XRN2: variants seen among roughly 807,000 people sequenced by gnomAD.
The protein encoded by XRN2 is DHM1-like protein.
Under a neutral mutation model 138.5 loss-of-function variants are expected in XRN2, and 44 were observed. That is an observed-to-expected ratio of 0.32 (90% CI 0.25 to 0.41). The LOEUF (loss-of-function observed/expected upper bound fraction) is 0.41. Ranked by LOEUF, XRN2 falls within the 10% of genes least tolerant of loss-of-function variation. The probability of loss-of-function intolerance (pLI) is 1.00; values close to 1 mark genes in which losing one functional copy is unlikely to be tolerated. For synonymous variants in XRN2, 354 were observed against 369.4 expected (o/e 0.96, Z 0.48); for missense variants, 937 against 1,169.3 (o/e 0.80, Z 2.90).
intron 28 of XRN2, among the ~76,000 whole-genome samples, chr20:21,384,010 A>G (rs981482361): frequency 6.6e-6 from 1 of 152,206 alleles, no homozygotes; most frequent in African/African-American, 2.4e-5. Flanking sequence ...CCACGACGCT[A>G]CTGTTTGTTG....
At chr20:21,360,101 A>T (rs1167067905) in intron 24 of XRN2, among the ~76,000 whole-genome samples, 1 of 151,966 alleles carries the variant, frequency 6.6e-6, no homozygotes, top group Non-Finnish European at 1.5e-5. Context: ...TTTTTTTCCC[A>T]TTTCTAATTC....
chr20:21,382,012 C>A lies in XRN2; in HGVS notation c.2603C>A (p.Ser868Tyr). Residue 868 changes from serine to tyrosine, a missense_variant, in exon 28 of 30, where the codon TCC becomes TAC. Physicochemically the swap from Ser to Tyr is moderately radical, Grantham distance 144 (BLOSUM62 -2). This residue lies in a region of XRN2 where 372 missense variants were observed against 414.4 expected (regional missense o/e 0.90). Transcript: ENST00000377191. Reference sequence around the variant, plus strand: ...TTTTCAGATATGAGGCCCCAGGATTCCTGGCGAGGTCCTCCTCCCCTTTTC... The same window carrying A: ...TTTTCAGATATGAGGCCCCAGGATTACTGGCGAGGTCCTCCTCCCCTTTTC... ...KLMSNMRPQDSWRGPPPLFQQ... is the reference protein window; with the variant it reads ...KLMSNMRPQDYWRGPPPLFQQ... 1 of 1,608,762 alleles carries A rather than the reference C, an allele frequency of 6.2e-7. No individual in the cohort carries two copies. The highest frequency in any genetic ancestry group is 8.5e-7 in the Non-Finnish European group (1 of 1,176,844).
intron 27 of XRN2, among the ~76,000 whole-genome samples, chr20:21,379,624 G>A (rs142960160): frequency 6.6e-6 from 1 of 152,224 alleles, no homozygotes; most frequent in East Asian, 1.9e-4. Flanking sequence ...AAATAGAGAG[G>A]CACCTGGCAC....
intron 26 of XRN2, among the ~76,000 whole-genome samples, chr20:21,367,195 G>A (rs2038714405): frequency 6.6e-6 from 1 of 151,954 alleles, no homozygotes; most frequent in Admixed American, 6.6e-5. Flanking sequence ...TTTATCCTTT[G>A]CCCTTTTTAG....
chr20:21,360,606 A>G (rs117902653), intron 24 of XRN2, among the ~76,000 whole-genome samples: 230 of 152,174 alleles, frequency 1.5e-3, no homozygotes, highest in Admixed American at 3.1e-3. Context: ...GACTTTTTGT[A>G]TTCACTTTTG....
At chr20:21,375,925 G>A (rs1264930894) in intron 27 of XRN2, among the ~76,000 whole-genome samples, 1 of 151,540 alleles carries the variant, frequency 6.6e-6, no homozygotes, top group Non-Finnish European at 1.5e-5. Context: ...TGCAAGCTCC[G>A]CCTCCCGGGT....
chr20:21,373,830 ATCTT>A (rs1172964957), intron 27 of XRN2, among the ~76,000 whole-genome samples: 1 of 152,058 alleles, frequency 6.6e-6, no homozygotes, highest in East Asian at 1.9e-4. Context: ...TGGGTTGTCT[ATCTT>A]TTTGTTTTGT....
In XRN2 at chr20:21,332,372, G is replaced by A. The variant is rs1568575615; in HGVS notation, c.790G>A (p.Gly264Ser). 1 of 1,613,558 alleles carries A rather than the reference G, an allele frequency of 6.2e-7. No homozygotes were observed. Among genetic ancestry groups the A allele is most frequent in the East Asian group, 2.2e-5 (1 of 44,856 alleles). Residue 264 changes from glycine (G) to serine (S), a missense_variant, in exon 9 of 30, where the codon GGT (glycine) becomes AGT (serine). Gly to Ser is a moderately conservative substitution (Grantham distance 56). Coordinates refer to ENST00000377191, the MANE Select transcript of XRN2 (RefSeq NM_012255.5). Reference protein sequence around the residue: ...EFKPNKPKPCGLCNQFGHEVK... With the variant: ...EFKPNKPKPCSLCNQFGHEVK... ...CAAACCAAACAAGCCCAAACCATGT[G>A]GTCTTTGTAATCAGTTTGGACATGA...
intron 20 of XRN2, among the ~76,000 whole-genome samples, chr20:21,353,141 ATAT>A (rs2038530211): frequency 6.9e-6 from 1 of 145,444 alleles, no homozygotes; most frequent in Admixed American, 6.9e-5. Flanking sequence ...TTAATATATA[ATAT>A]TTAATATTTA....
At chr20:21,371,989 G>T (rs2038768568) in intron 27 of XRN2, among the ~76,000 whole-genome samples, 1 of 152,112 alleles carries the variant, frequency 6.6e-6, no homozygotes, top group African/African-American at 2.4e-5. Flanking sequence ...CATTGTTGTG[G>T]CTGTTATTAG....
intron 27 of XRN2, among the ~76,000 whole-genome samples, chr20:21,378,206 C>T (rs1439819742): frequency 1.3e-5 from 2 of 152,084 alleles, no homozygotes; most frequent in Non-Finnish European, 2.9e-5. Flanking sequence ...CTTTCCTATC[C>T]TAATTGGATA....
chr20:21,345,865 A>G lies in XRN2; in HGVS notation c.1530-550A>G, dbSNP rs1335977869. ...ACAACTCTTAGCTGAAAGAGGGATAAGGCCCAAGCAAGGATAGAGAGAGTA... is the reference window on the plus strand; with the variant it reads ...ACAACTCTTAGCTGAAAGAGGGATAGGGCCCAAGCAAGGATAGAGAGAGTA... On this transcript the variant is annotated intron_variant, in intron 16 of 29. Transcript: ENST00000377191. Among the ~76,000 whole-genome samples the G allele has an allele frequency of 7.2e-5, 11 of 152,222 alleles. 1 individual carries two copies. Among genetic ancestry groups the G allele is most frequent in the Admixed American group, 7.2e-4 (11 of 15,280 alleles).
chr20:21,334,613 G>C (rs948783658), intron 13 of XRN2, among the ~76,000 whole-genome samples: 5 of 152,128 alleles, frequency 3.3e-5, no homozygotes, highest in African/African-American at 1.2e-4. Context: ...GGAGAATGTA[G>C]GATCTGTGGA....
intron 24 of XRN2, among the ~76,000 whole-genome samples, chr20:21,363,903 C>T (rs936062667): frequency 2.6e-5 from 4 of 152,094 alleles, no homozygotes; most frequent in African/African-American, 7.2e-5. Flanking sequence ...ATATGTTTCC[C>T]ATGTCATTAA....
rs2038967653 is a variant in XRN2, at chr20:21,389,524, A to G, written c.*186A>G. ...TGCTTTCCAAAGATGTATGTTGCAT[A>G]ATACAGTGGATCTGAATTTATTATT... On this transcript the variant is annotated 3_prime_UTR_variant, in exon 30 of 30. Transcript: ENST00000377191. 1 of 505,684 alleles carries G rather than the reference A, an allele frequency of 2.0e-6. No homozygotes were observed. Among genetic ancestry groups the G allele is most frequent in the Non-Finnish European group, 3.4e-6 (1 of 292,050 alleles). The allele number at this position is 505,684 out of a possible 1,614,324, so 31.3% of individuals were successfully genotyped here.
rs570898956 is a variant in XRN2, at chr20:21,303,634, G to A, written c.75+161G>A. 1.4e-4 allele frequency: 184 copies of A among 1,356,128 alleles called. 1 individual carries two copies. The East Asian group carries it at 5.2e-3, about 38-fold the overall frequency. 84.0% of individuals were successfully genotyped at this position (1,356,128 alleles called of 1,614,324 possible). On this transcript the variant is annotated intron_variant, in intron 1 of 29. Coordinates refer to ENST00000377191, the MANE Select transcript of XRN2 (RefSeq NM_012255.5). ...CGCAGCCCCACACGCGATGGGACGCGGGCTGTGGGATTCAGCACCCCGGGG... is the reference window on the plus strand; with the variant it reads ...CGCAGCCCCACACGCGATGGGACGCAGGCTGTGGGATTCAGCACCCCGGGG...
At chr20:21,385,374 A>C (rs1177474784) in intron 28 of XRN2, among the ~76,000 whole-genome samples, 2 of 152,184 alleles carry the variant, frequency 1.3e-5, no homozygotes, top group Non-Finnish European at 2.9e-5. Flanking sequence ...GACCATTCCT[A>C]TCTCTGCACA....
rs1172695128 is a variant in XRN2, at chr20:21,382,020, G to A, written c.2611G>A (p.Gly871Ser). 6 of 1,607,438 alleles carry A rather than the reference G, an allele frequency of 3.7e-6. No individual in the cohort carries two copies. Among genetic ancestry groups the A allele is most frequent in the Non-Finnish European group, 4.3e-6 (5 of 1,176,466 alleles). ...SNMRPQDSWRGPPPLFQQQRF... is the reference protein window; with the variant it reads ...SNMRPQDSWRSPPPLFQQQRF... ...TATGAGGCCCCAGGATTCCTGGCGAGGTCCTCCTCCCCTTTTCCAGCAGCA... is the reference window on the plus strand; with the variant it reads ...TATGAGGCCCCAGGATTCCTGGCGAAGTCCTCCTCCCCTTTTCCAGCAGCA... The change falls in exon 28 of 30, where the codon GGT (glycine) becomes AGT (serine). Residue 871 changes from glycine (G) to serine (S), a missense_variant. Coordinates refer to ENST00000377191, the MANE Select transcript of XRN2 (RefSeq NM_012255.5).
At chr20:21,374,217 T>C (rs1446465033) in intron 27 of XRN2, among the ~76,000 whole-genome samples, 1 of 152,232 alleles carries the variant, frequency 6.6e-6, no homozygotes, top group East Asian at 1.9e-4. Flanking sequence ...TAATAGTTTA[T>C]ATGTTCTTTG....
Sources: allele counts gnomAD v4.1 joint callset (sites outside exome capture counted in the v4.1 genomes callset), GRCh38; gene constraint gnomAD v4.1.1; regional missense constraint gnomAD v4.1.1; transcripts MANE v1.5; gene names NCBI Gene and HGNC (gene_info 2026-07-23, HGNC 2026-07-21).